PRR5: variants seen among roughly 807,000 people sequenced by gnomAD.
The protein encoded by PRR5 is proline-rich protein 5.
Under a neutral mutation model 30.6 loss-of-function variants are expected in PRR5, and 25 were observed. The ratio of observed to expected loss-of-function variants is 0.82; its 90% confidence interval spans 0.60 to 1.14. The LOEUF (loss-of-function observed/expected upper bound fraction) is 1.14, where lower values mean the gene tolerates loss of function less well. Among genes scored for constraint, PRR5 ranks in the 50% most tolerant of loss-of-function variants. The pLI, the probability that PRR5 is intolerant of heterozygous loss-of-function variation, is 0.00. For missense variants in PRR5, 600 were observed against 547.1 expected, an observed-to-expected ratio of 1.10 and a Z score of -0.96; for synonymous variants, 286 against 247.1, an observed-to-expected ratio of 1.16 and a Z score of -1.48.
intron 6 of PRR5, among the ~76,000 whole-genome samples, chr22:44,732,958 C>T (rs1291317754): frequency 4.7e-5 from 7 of 150,008 alleles, no homozygotes; most frequent in Middle Eastern, 3.4e-3. Flanking sequence ...CACACATACG[C>T]GTGCACACGC....
intron 1 of PRR5, among the ~76,000 whole-genome samples, chr22:44,709,880 C>T (rs1303869858): frequency 8.5e-5 from 13 of 152,142 alleles, no homozygotes. Context: ...AAAGAACTTC[C>T]GACCTCAGAA....
chr22:44,710,878 CGCAGG>C lies in PRR5; in HGVS notation c.135-3690_135-3686del, dbSNP rs896190367. ...CTCCCTGTAGCTTCACAGAAAAGGCCGCAGGGCAGGGCAGGGCAGGGCAGGGCGTG... is the reference window on the plus strand; with the variant it reads ...CTCCCTGTAGCTTCACAGAAAAGGCCGCAGGGCAGGGCAGGGCAGGGCGTG... On this transcript the variant is annotated intron_variant, in intron 1 of 7. Transcript: ENST00000336985. Among the ~76,000 whole-genome samples, 78 of 152,196 alleles carry C rather than the reference CGCAGG, an allele frequency of 5.1e-4. 1 individual carries two copies. In the South Asian group the frequency reaches 0.012, roughly 24 times the overall value.
In PRR5 at chr22:44,731,927, T is replaced by G. The variant is rs73889720; in HGVS notation, c.414+106T>G. 14,076 of 1,006,958 alleles carry G rather than the reference T, an allele frequency of 0.014. 764 individuals are homozygous for G. In the African/African-American group the frequency reaches 0.15, roughly 11 times the overall value. The allele number at this position is 1,006,958 out of a possible 1,614,324, so 62.4% of individuals were successfully genotyped here. A position where few individuals can be genotyped will look rare whatever the true frequency, so the allele number is the denominator to read the frequency against. On this transcript the variant is annotated intron_variant, in intron 5 of 7. Transcript: ENST00000336985. ...CAGGCTTGGGGACACACACACCTGCTCTGCTCTGTGCTGCTCTCCTTGGGC... is the reference window on the plus strand; with the variant it reads ...CAGGCTTGGGGACACACACACCTGCGCTGCTCTGTGCTGCTCTCCTTGGGC...
intron 1 of PRR5, among the ~76,000 whole-genome samples, chr22:44,677,998 A>G (rs895630674): frequency 6.6e-6 from 1 of 152,042 alleles, no homozygotes; most frequent in African/African-American, 2.4e-5. Context: ...TGGGGGCCTC[A>G]AGGACCAGCT....
chr22:44,729,420 C>A lies in PRR5; in HGVS notation c.323-2310C>A, dbSNP rs960941983. 6 of 985,306 alleles carry A rather than the reference C, an allele frequency of 6.1e-6. No homozygotes were observed. The African/African-American group carries it at 8.7e-5, about 14-fold the overall frequency. 61.0% of individuals were successfully genotyped at this position (985,306 alleles called of 1,614,324 possible). ...GGGAGCCAGCACGGAGCCAAGGCTACTGCGGGGCCGCTCGCCTGCATCAGC... is the reference window on the plus strand; with the variant it reads ...GGGAGCCAGCACGGAGCCAAGGCTAATGCGGGGCCGCTCGCCTGCATCAGC... On this transcript the variant is annotated intron_variant, in intron 4 of 7. Transcript: ENST00000336985.
chr22:44,734,395 C>T (rs1922806606), intron 6 of PRR5: 1 of 152,452 alleles, frequency 6.6e-6, no homozygotes, highest in Admixed American at 6.5e-5. Context: ...TCAGCTTTCT[C>T]CCAGCCCTCT....
In PRR5 at chr22:44,691,808, T is replaced by C. The variant is rs187867757; in HGVS notation, c.-10-10684T>C. Among the ~76,000 whole-genome samples, 1 of 151,974 alleles carries C rather than the reference T, an allele frequency of 6.6e-6. No homozygotes were observed. Among genetic ancestry groups the C allele is most frequent in the East Asian group, 1.9e-4 (1 of 5,168 alleles). ...AAAGACACTGAAATCCACCAAGTTTTTTCCAGATGAGGACTCCTTGGTAGC... is the reference window on the plus strand; with the variant it reads ...AAAGACACTGAAATCCACCAAGTTTCTTCCAGATGAGGACTCCTTGGTAGC... On this transcript the variant is annotated intron_variant, in intron 1 of 8. Transcript: ENST00000006251. The surrounding 1 kb of genome is among the most constrained non-coding windows in gnomAD (Gnocchi z 4.4).
intron 1 of PRR5, chr22:44,679,363 T>G (rs1924054501): frequency 6.5e-6 from 1 of 153,248 alleles, no homozygotes; most frequent in Admixed American, 6.5e-5. Context: ...TTCAGTGACT[T>G]CGAGCGTGCA....
upstream of PRR5, among the ~76,000 whole-genome samples, chr22:44,700,451 G>A (rs557998591): frequency 2.6e-5 from 4 of 152,164 alleles, no homozygotes; most frequent in African/African-American, 9.6e-5. Flanking sequence ...CGACAAGAGC[G>A]AAACGCCATC....
At chr22:44,697,239 C>T (rs774468193), upstream of PRR5, among the ~76,000 whole-genome samples, 4 of 152,192 alleles carry the variant, frequency 2.6e-5, no homozygotes, top group Admixed American at 6.5e-5. Context: ...GGAGTCACCG[C>T]GAGTACCCTG....
chr22:44,722,431 C>T (rs547145403), intron 2 of PRR5, among the ~76,000 whole-genome samples: 4 of 152,340 alleles, frequency 2.6e-5, no homozygotes, highest in South Asian at 2.1e-4. Flanking sequence ...TGCCCGAGCC[C>T]CAGGCTCCGG....
At position 44,737,065 on chromosome 22, in the gene PRR5, C is replaced by T. The variant is rs758391118; in HGVS notation, c.985C>T (p.Pro329Ser). The change falls in exon 8 of 8, where the codon CCT becomes TCT. Residue 329 changes from proline to serine, a missense_variant. Transcript: ENST00000336985. The stretch of plus-strand genomic sequence containing the variant: ...CAGACTGTACCCCACGACCCAGCCC[C>T]CTGAGCAGGGCTTGGATCCCACCCG... ...PSRLYPTTQP[P>S]EQGLDPTRSS... is the part of the protein sequence containing the mutation. 2 of 1,610,252 alleles carry T rather than the reference C, an allele frequency of 1.2e-6. No homozygotes were observed. Among genetic ancestry groups the T allele is most frequent in the Non-Finnish European group, 1.7e-6 (2 of 1,179,246 alleles).
In PRR5 at chr22:44,702,818, C is replaced by G. The variant is rs1327780452; in HGVS notation, c.134+210C>G. Among the ~76,000 whole-genome samples, 3 of 152,150 alleles carry G rather than the reference C, an allele frequency of 2.0e-5. No individual in the cohort carries two copies. The South Asian group carries it at 6.2e-4, about 32-fold the overall frequency. ...TGGTTCCAGAACCCAGGGAAGGGAG[C>G]GAGGCCCGCCAGCGCCCGGGGCTGG... is the stretch of plus-strand genomic sequence containing the variant. On this transcript the variant is annotated intron_variant, in intron 1 of 7. Transcript: ENST00000336985.
intron 2 of PRR5, among the ~76,000 whole-genome samples, chr22:44,715,376 T>C (rs1407752107): frequency 6.6e-6 from 1 of 152,162 alleles, no homozygotes; most frequent in African/African-American, 2.4e-5. Context: ...ACTGGCAAAA[T>C]AGGCAGTAAC....
At chr22:44,727,361 G>A (rs1921026330) in intron 4 of PRR5, among the ~76,000 whole-genome samples, 1 of 152,220 alleles carries the variant, frequency 6.6e-6, no homozygotes, top group Non-Finnish European at 1.5e-5. Flanking sequence ...GGTCCACTCA[G>A]TTCCCACGGA....
At chr22:44,714,339 CAT>C (rs1413714779) in intron 1 of PRR5, among the ~76,000 whole-genome samples, 1 of 152,162 alleles carries the variant, frequency 6.6e-6, no homozygotes, top group Non-Finnish European at 1.5e-5. Flanking sequence ...GGTTTGGCCA[CAT>C]AGTGTGTGCA....
rs758422190 is a variant in PRR5 at position 44,714,558 on chromosome 22, A to G, written c.135-33A>G. On this transcript the variant is annotated intron_variant, in intron 1 of 7. Transcript: ENST00000336985. Reference sequence around the variant, plus strand: ...GGCAACCAGGGGGCTCTCAGACCTCAGGACTGCAGTGTTTTCTTCCCTCTG... The same window carrying G: ...GGCAACCAGGGGGCTCTCAGACCTCGGGACTGCAGTGTTTTCTTCCCTCTG... The G allele has an allele frequency of 3.1e-6, 5 of 1,610,394 alleles. No homozygotes were observed. The South Asian group carries it at 5.5e-5, about 18-fold the overall frequency.
chr22:44,715,429 G>T (rs1003671745), intron 2 of PRR5, among the ~76,000 whole-genome samples: 1 of 152,226 alleles, frequency 6.6e-6, no homozygotes, highest in Non-Finnish European at 1.5e-5. Flanking sequence ...GGACTGGCCA[G>T]ACTTTCATAC....
intron 1 of PRR5, among the ~76,000 whole-genome samples, chr22:44,711,512 A>G (rs1417443184): frequency 6.6e-6 from 1 of 152,068 alleles, no homozygotes; most frequent in East Asian, 1.9e-4. Context: ...GGGTGACCAG[A>G]GTGGGCTGGA....
Sources: gnomAD v4.1 joint callset for allele counts (sites outside exome capture counted in the v4.1 genomes callset) on GRCh38, gnomAD v4.1.1 for gene constraint, Gnocchi (gnomAD v3.1) non-coding constraint, MANE v1.5 for transcripts, NCBI Gene and HGNC (gene_info 2026-07-23, HGNC 2026-07-21) for gene names.